CRAMP1: variants seen among roughly 807,000 people sequenced by gnomAD.
The protein encoded by CRAMP1 is protein cramped-like.
Under a neutral mutation model 115.4 loss-of-function variants are expected in CRAMP1, and 50 were observed. The ratio of observed to expected loss-of-function variants is 0.43; its 90% CI spans 0.35 to 0.55. CRAMP1 has a LOEUF of 0.55. Ranked by LOEUF, CRAMP1 falls within the 20% of genes least tolerant of loss-of-function variation. The probability of loss-of-function intolerance (pLI) is 0.01; values close to 1 mark genes in which losing one functional copy is unlikely to be tolerated. For missense variants in CRAMP1, 1,679 were observed against 1,721.7 expected (o/e 0.98, Z 0.44); for synonymous variants, 866 against 745.4 (o/e 1.16, Z -2.64).
At chr16:1,665,516 G>A (rs1596497966) in intron 14 of CRAMP1, among the ~76,000 whole-genome samples, 1 of 152,090 alleles carries the variant, frequency 6.6e-6, no homozygotes, top group South Asian at 2.1e-4. Flanking sequence ...ACATTTAGTG[G>A]GGGCCTTGGC....
Position 1,656,920 on chromosome 16 carries a change from C to A in CRAMP1, c.2163C>A (p.Pro721=). 6.4e-7 allele frequency: 1 copy of A among 1,555,724 alleles called. No homozygotes were observed. The highest frequency in any genetic ancestry group is 8.7e-7 in the Non-Finnish European group (1 of 1,150,208). The change falls in exon 10 of 21, where the codon CCC becomes CCA. Residue 721 remains proline, a synonymous_variant. Coordinates refer to ENST00000397412, the MANE Select transcript of CRAMP1 (RefSeq NM_020825.4). This position sits in a 1 kb window ranked among gnomAD's most constrained non-coding sequence, Gnocchi z 5.6. ...AGGACCCCCGCCCCGGCTCCCTACC[C>A]ACCGCCCTCCACAAGCAGCGCCTCC... ...GRQDPRPGSL[P]TALHKQRLLS...
In CRAMP1 at chr16:1,625,994, C is replaced by G. The variant is rs773796360; in HGVS notation, c.368C>G (p.Ser123Trp). The G allele has an allele frequency of 6.4e-7, 1 of 1,551,636 alleles. No individual in the cohort carries two copies. ...CAAGGAGCTGAAGGTGGTGGATCAT[C>G]GTCTGGAAATGTGTCTGGGGTTGCC... ...RGKGAEGGGSSSGNVSGVAPA... is the reference protein window; with the variant it reads ...RGKGAEGGGSWSGNVSGVAPA... Residue 123 changes from serine (S) to tryptophan (W), a missense_variant, in exon 3 of 21, where the codon TCG becomes TGG. Transcript: ENST00000397412.
chr16:1,650,255 C>T (rs945444050), intron 6 of CRAMP1, among the ~76,000 whole-genome samples: 1 of 152,122 alleles, frequency 6.6e-6, no homozygotes, highest in African/African-American at 2.4e-5. Flanking sequence ...TGTGGTGTCA[C>T]CCTTTTTGCC....
intron 5 of CRAMP1, among the ~76,000 whole-genome samples, chr16:1,638,187 G>A (rs147704349): frequency 6.6e-6 from 1 of 152,174 alleles, no homozygotes; most frequent in Non-Finnish European, 1.5e-5. Context: ...AAGATGTCAC[G>A]CCACAGCCCA....
intron 6 of CRAMP1, chr16:1,646,982 G>T: frequency 1.4e-6 from 1 of 701,966 alleles, no homozygotes; most frequent in Non-Finnish European, 2.6e-6. Flanking sequence ...TGGACCTTCT[G>T]TTCTGTCAAC....
At position 1,655,253 on chromosome 16, in the gene CRAMP1, C is replaced by G. The variant is rs757372138; in HGVS notation, c.1072C>G (p.Leu358Val). 1.2e-6 allele frequency: 2 copies of G among 1,613,916 alleles called. No individual in the cohort carries two copies. The highest frequency in any genetic ancestry group is 4.5e-5 in the East Asian group (2 of 44,900). ...IVELHRKVSS[L>V]IEFLKQKWAL... ...GGAGCTACATCGAAAGGTCTCCAGCCTCATCGAATTCTTGAAGCAGAAGTG... is the reference window on the plus strand; with the variant it reads ...GGAGCTACATCGAAAGGTCTCCAGCGTCATCGAATTCTTGAAGCAGAAGTG... The change falls in exon 9 of 21, where the codon CTC becomes GTC. Residue 358 changes from leucine to valine, a missense_variant. Around this residue, in one of 8 missense-constraint regions of CRAMP1, gnomAD observed 191 missense variants for 236.2 expected, o/e 0.81. Transcript: ENST00000397412.
intron 3 of CRAMP1, among the ~76,000 whole-genome samples, chr16:1,627,811 C>T (rs1348358368): frequency 6.6e-6 from 1 of 151,992 alleles, no homozygotes; most frequent in Non-Finnish European, 1.5e-5. Context: ...AGCCCCAAAT[C>T]GTGCCTTTAA....
chr16:1,635,041 G>A (rs1021436547), intron 4 of CRAMP1, among the ~76,000 whole-genome samples: 6 of 152,280 alleles, frequency 3.9e-5, no homozygotes, highest in African/African-American at 1.4e-4. Flanking sequence ...TGGGATTACA[G>A]GTGTGCACCA....
intron 5 of CRAMP1, among the ~76,000 whole-genome samples, chr16:1,638,249 A>G (rs2036604221): frequency 6.6e-6 from 1 of 152,210 alleles, no homozygotes; most frequent in South Asian, 2.1e-4. Flanking sequence ...TATAGCCTTG[A>G]TACCATGGTC....
At chr16:1,673,498 T>G (rs2036939819) in intron 20 of CRAMP1, among the ~76,000 whole-genome samples, 1 of 152,000 alleles carries the variant, frequency 6.6e-6, no homozygotes, top group Admixed American at 6.5e-5. Context: ...CTCTCTGGCC[T>G]CCTTTTCCCG....
intron 3 of CRAMP1, 71 bp downstream of exon 3, chr16:1,626,237 T>C (rs2036507329): frequency 7.4e-7 from 1 of 1,344,528 alleles, no homozygotes; most frequent in African/African-American, 1.5e-5. Context: ...CCGTTCCCCG[T>C]GCTTCCTCTT....
intron 10 of CRAMP1, among the ~76,000 whole-genome samples, chr16:1,658,450 G>A (rs559535484): frequency 1.1e-4 from 16 of 152,316 alleles, no homozygotes; most frequent in African/African-American, 3.6e-4. Context: ...TCCTGAGAGG[G>A]CAGGCAGCAG....
At chr16:1,630,271 C>A (rs546595065) in intron 3 of CRAMP1, among the ~76,000 whole-genome samples, 3 of 152,270 alleles carry the variant, frequency 2.0e-5, no homozygotes, top group South Asian at 2.1e-4. Flanking sequence ...CCTGCCTCAG[C>A]CTCCCACGTA....
Position 1,670,780 on chromosome 16 carries a change from G to A in CRAMP1, c.3616G>A (p.Val1206Met), listed in dbSNP as rs1319280736. The A allele has an allele frequency of 1.9e-6, 3 of 1,614,010 alleles. No homozygotes were observed. The East Asian group carries it at 6.7e-5, about 36-fold the overall frequency. The stretch of plus-strand genomic sequence containing the variant: ...GGATGGAAACTCGCGGGACTCATTT[G>A]TGTCCAGGTCCCTGGCTGACGTTGC... ...LLDGNSRDSF[V>M]SRSLADVAEV... is the part of the protein sequence containing the mutation. Residue 1206 changes from valine to methionine, a missense_variant, in exon 20 of 21, where the codon GTG (valine) becomes ATG (methionine). Val to Met is a conservative substitution (Grantham distance 21). Transcript: ENST00000397412.
At chr16:1,642,161 C>T (rs532543789) in intron 6 of CRAMP1, among the ~76,000 whole-genome samples, 7 of 152,330 alleles carry the variant, frequency 4.6e-5, no homozygotes, top group South Asian at 2.1e-4. Flanking sequence ...CCTGCCCTTG[C>T]AGCCACTCCT....
In CRAMP1 at chr16:1,614,780, G is replaced by T. The variant is rs758590705; in HGVS notation, c.141G>T (p.Arg47Ser). 7.4e-7 allele frequency: 1 copy of T among 1,353,512 alleles called. No homozygotes were observed. Among genetic ancestry groups the T allele is most frequent in the South Asian group, 2.0e-5 (1 of 50,206 alleles). The allele number at this position is 1,353,512 out of a possible 1,614,324, so 83.8% of individuals were successfully genotyped here. Residue 47 changes from arginine to serine, a missense_variant, in exon 2 of 21, where the codon AGG (arginine) becomes AGT (serine). Physicochemically the swap from Arg to Ser is moderately radical, Grantham distance 110. Coordinates refer to ENST00000397412, the MANE Select transcript of CRAMP1 (RefSeq NM_020825.4). The surrounding 1 kb of genome is among the most constrained non-coding windows in gnomAD (Gnocchi z 4.4). ...DAAEESSGTKRDEKTPRAGAD... is the reference protein window; with the variant it reads ...DAAEESSGTKSDEKTPRAGAD... ...CCGAGGAGAGCAGCGGCACAAAGAG[G>T]GACGAGAAGACCCCCCGGGCCGGCG... is the stretch of plus-strand genomic sequence containing the variant.
At chr16:1,663,877 C>T (rs181411264) in intron 13 of CRAMP1, among the ~76,000 whole-genome samples, 7 of 152,322 alleles carry the variant, frequency 4.6e-5, no homozygotes, top group African/African-American at 1.7e-4. Flanking sequence ...GGCACACAGC[C>T]GTGATTATTC....
In CRAMP1 at chr16:1,656,561, C is replaced by T. The variant is rs368181087; in HGVS notation, c.1804C>T (p.Pro602Ser). The T allele has an allele frequency of 7.6e-5, 119 of 1,556,888 alleles. No individual in the cohort carries two copies. The African/African-American group carries it at 9.9e-4, about 13-fold the overall frequency. Reference sequence around the variant, plus strand: ...GGCGGCCTCCCCAGAGGTGCTGGCTCCTGTCAGCAAGGAGGCTGCTGACCT... The same window carrying T: ...GGCGGCCTCCCCAGAGGTGCTGGCTTCTGTCAGCAAGGAGGCTGCTGACCT... ...GGAASPEVLA[P>S]VSKEAADLAP... The change falls in exon 10 of 21, where the codon CCT (proline) becomes TCT (serine). Residue 602 changes from proline (P) to serine (S), a missense_variant. Pro to Ser is a moderately conservative substitution (Grantham distance 74). Coordinates refer to ENST00000397412, the MANE Select transcript of CRAMP1 (RefSeq NM_020825.4). This position sits in a 1 kb window ranked among gnomAD's most constrained non-coding sequence, Gnocchi z 5.6.
At chr16:1,673,844 C>A in intron 20 of CRAMP1, 37 bp from the exon 21 acceptor site, 1 of 1,607,516 alleles carries the variant, frequency 6.2e-7, no homozygotes, top group Non-Finnish European at 8.5e-7. Context: ...GCCAGCAGGT[C>A]GCGGTGACTT....
Sources: gnomAD v4.1 joint callset for allele counts (sites outside exome capture counted in the v4.1 genomes callset) on GRCh38, gnomAD v4.1.1 for gene constraint, gnomAD v4.1.1 regional missense constraint, Gnocchi (gnomAD v3.1) non-coding constraint, MANE v1.5 for transcripts, NCBI Gene and HGNC (gene_info 2026-07-23, HGNC 2026-07-21) for gene names.